EFCAB11: variants seen among roughly 807,000 people sequenced by gnomAD.
EFCAB11 encodes the protein EF-hand calcium-binding domain-containing protein 11.
EFCAB11 carries 14 observed loss-of-function variants against 23.0 expected under a neutral mutation model. The ratio of observed to expected loss-of-function variants is 0.61; its 90% CI spans 0.40 to 0.95. EFCAB11 has a LOEUF of 0.95. Among genes scored for constraint, EFCAB11 ranks in the 40% least tolerant of loss-of-function variants. The probability of loss-of-function intolerance (pLI) is 0.00; values close to 1 mark genes in which losing one functional copy is unlikely to be tolerated. For synonymous variants in EFCAB11, 65 were observed against 66.6 expected (o/e 0.98, Z 0.11); for missense variants, 198 against 195.8 (o/e 1.01, Z -0.07).
At chr14:89,882,972 T>A (rs1888648114) in intron 5 of EFCAB11, among the ~76,000 whole-genome samples, 1 of 152,078 alleles carries the variant, frequency 6.6e-6, no homozygotes, top group Non-Finnish European at 1.5e-5. Context: ...AGCTGGTTGT[T>A]AAGAAGAGCC....
chr14:89,937,081 G>A (rs560318518), intron 3 of EFCAB11, among the ~76,000 whole-genome samples: 1 of 152,114 alleles, frequency 6.6e-6, no homozygotes, highest in Non-Finnish European at 1.5e-5. Context: ...ATCCTTTACC[G>A]TGGTTACAAA....
In EFCAB11 at chr14:89,885,792, AAAG is replaced by A. The variant is rs1385034029; in HGVS notation, c.410+45746_410+45748del. On this transcript the variant is annotated intron_variant, in intron 5 of 5. Coordinates refer to ENST00000316738, the MANE Select transcript of EFCAB11 (RefSeq NM_145231.4). ...GAAAGAAAGAAAGAGAGAAAGAAAG[AAAG>A]AAGACAGCAACTAAAAGAAAGAAAG... is the stretch of plus-strand genomic sequence containing the variant. Among the ~76,000 whole-genome samples, 14 of 151,932 alleles carry A rather than the reference AAAG, an allele frequency of 9.2e-5. No individual in the cohort carries two copies. In the East Asian group the frequency reaches 2.7e-3, roughly 29 times the overall value.
chr14:89,834,172 A>C (rs1421236539), intron 5 of EFCAB11, among the ~76,000 whole-genome samples: 2 of 151,764 alleles, frequency 1.3e-5, no homozygotes, highest in African/African-American at 4.8e-5. Flanking sequence ...GTCAGGAGAT[A>C]GAAACCATCC....
chr14:89,874,584 T>C (rs992410334), intron 5 of EFCAB11, among the ~76,000 whole-genome samples: 5 of 152,184 alleles, frequency 3.3e-5, no homozygotes, highest in Non-Finnish European at 7.4e-5. Context: ...TGTGAATGAA[T>C]AAAGTGGAAT....
chr14:89,920,831 G>A lies in EFCAB11; in HGVS notation c.410+10710C>T, dbSNP rs375559937. On this transcript the variant is annotated intron_variant, in intron 5 of 5. Coordinates refer to ENST00000316738, the MANE Select transcript of EFCAB11 (RefSeq NM_145231.4). ...TGTGATCCCAGCACTCCGGGAGTCCGAGGAGGGTGGATCACTTGAGGTCAG... is the reference window on the plus strand; with the variant it reads ...TGTGATCCCAGCACTCCGGGAGTCCAAGGAGGGTGGATCACTTGAGGTCAG... 1.3e-4 allele frequency among the ~76,000 whole-genome samples: 20 copies of A among 152,272 alleles called. No homozygotes were observed. The East Asian group carries it at 1.9e-3, about 15-fold the overall frequency.
chr14:89,822,631 T>A (rs1886562938), intron 5 of EFCAB11, among the ~76,000 whole-genome samples: 1 of 152,144 alleles, frequency 6.6e-6, no homozygotes, highest in African/African-American at 2.4e-5. Flanking sequence ...AAATATTGTA[T>A]GGACACACAG....
chr14:89,954,665 A>G lies in EFCAB11; in HGVS notation c.-5T>C, dbSNP rs201579549. 3.1e-6 allele frequency: 5 copies of G among 1,610,640 alleles called. No individual in the cohort carries two copies. In the African/African-American group the frequency reaches 4.0e-5, roughly 13 times the overall value. The stretch of plus-strand genomic sequence containing the variant: ...TCTGGCCTCGGAGAAGAACATCGCG[A>G]CTACAACAACCGAGCCCCAGCAACC... On this transcript the variant is annotated 5_prime_UTR_variant, in exon 1 of 6. Transcript: ENST00000316738.
intron 5 of EFCAB11, among the ~76,000 whole-genome samples, chr14:89,893,120 T>C (rs544799713): frequency 5.3e-5 from 8 of 152,244 alleles, no homozygotes; most frequent in Non-Finnish European, 8.8e-5. Context: ...ACTCCCTTTT[T>C]CTTGGCTGTG....
chr14:89,917,127 C>T (rs1453623864), intron 5 of EFCAB11, among the ~76,000 whole-genome samples: 1 of 150,218 alleles, frequency 6.7e-6, no homozygotes, highest in African/African-American at 2.5e-5. Flanking sequence ...TTAAGATCTG[C>T]TCCCTTGGCA....
chr14:89,798,840 G>C (rs1885665819), intron 5 of EFCAB11, among the ~76,000 whole-genome samples: 1 of 152,208 alleles, frequency 6.6e-6, no homozygotes, highest in African/African-American at 2.4e-5. Flanking sequence ...AGGCTGGAGT[G>C]CAGCAGTGTG....
chr14:89,920,586 C>T (rs571652801), intron 5 of EFCAB11, among the ~76,000 whole-genome samples: 17 of 152,326 alleles, frequency 1.1e-4, no homozygotes, highest in Admixed American at 2.0e-4. Context: ...TGGGGACAGA[C>T]GGAGCCCAAC....
At chr14:89,821,511 T>C (rs1488172554) in intron 5 of EFCAB11, among the ~76,000 whole-genome samples, 1 of 152,128 alleles carries the variant, frequency 6.6e-6, no homozygotes, top group African/African-American at 2.4e-5. Context: ...AATAGGAATA[T>C]AAACAAATAA....
At chr14:89,828,878 A>G (rs1004924577) in intron 5 of EFCAB11, among the ~76,000 whole-genome samples, 2 of 152,214 alleles carry the variant, frequency 1.3e-5, no homozygotes, top group Non-Finnish European at 2.9e-5. Flanking sequence ...AATCTGCAGC[A>G]AAGAAGGTGG....
intron 5 of EFCAB11, among the ~76,000 whole-genome samples, chr14:89,903,573 A>T (rs112122330): frequency 1.3e-5 from 2 of 150,222 alleles, no homozygotes; most frequent in Non-Finnish European, 3.0e-5. Context: ...GTAAAAGAGA[A>T]GGGGGGGGGC....
rs1410256949 is a variant in EFCAB11 at position 89,931,543 on chromosome 14, G to A, written c.408C>T (p.Phe136=). ...KLPERTVLEV[F]REVDRDSDGH... ...ACAGAAGGATTTTGATGCCTTACCT[G>A]AATACCTCAAGAACAGTCCTTTCCG... The change falls in exon 5 of 6, where the codon TTC becomes TTT. Residue 136 remains phenylalanine (F), a splice_region_variant and synonymous_variant. Coordinates refer to ENST00000316738, the MANE Select transcript of EFCAB11 (RefSeq NM_145231.4). The A allele has an allele frequency of 1.2e-6, 2 of 1,613,076 alleles. No individual in the cohort carries two copies. The highest frequency in any genetic ancestry group is 1.1e-5 in the South Asian group (1 of 90,726).
At chr14:89,953,826 A>G (rs1296783088) in intron 2 of EFCAB11, 80 bp downstream of exon 2, 1 of 1,193,368 alleles carries the variant, frequency 8.4e-7, no homozygotes, top group Admixed American at 2.0e-5. Flanking sequence ...AAACATCCTA[A>G]GCTAGCCCTG....
chr14:89,805,566 T>C (rs1034349240), intron 5 of EFCAB11, among the ~76,000 whole-genome samples: 16 of 152,204 alleles, frequency 1.1e-4, no homozygotes, highest in African/African-American at 2.7e-4. Flanking sequence ...CAATGGTACA[T>C]TGATTCGATA....
At chr14:89,859,338 C>G (rs1249445042) in intron 5 of EFCAB11, among the ~76,000 whole-genome samples, 1 of 152,184 alleles carries the variant, frequency 6.6e-6, no homozygotes. Flanking sequence ...CTCTTATTCA[C>G]AAATATTTCT....
intron 5 of EFCAB11, among the ~76,000 whole-genome samples, chr14:89,849,464 T>C (rs907692560): frequency 2.6e-5 from 4 of 152,214 alleles, no homozygotes; most frequent in Non-Finnish European, 5.9e-5. Flanking sequence ...AGAATGCACA[T>C]CTACATGGAA....
Sources: gnomAD v4.1 joint callset for allele counts (sites outside exome capture counted in the v4.1 genomes callset) on GRCh38, gnomAD v4.1.1 for gene constraint, MANE v1.5 for transcripts, NCBI Gene and HGNC (gene_info 2026-07-23, HGNC 2026-07-21) for gene names.